The following TUT1 variants were observed in gnomAD, a reference collection of about 807,000 sequenced individuals.
TUT1 encodes terminal uridylyl transferase 1, U6 snRNA-specific, also known as speckle targeted PIP5K1A-regulated poly(A) polymerase.
TUT1 carries 26 observed loss-of-function variants against 48.8 expected under a neutral mutation model. The observed-to-expected ratio is 0.53, with a 90% confidence interval of 0.39 to 0.74. The LOEUF (loss-of-function observed/expected upper bound fraction) is 0.74, where lower values mean the gene tolerates loss of function less well. Among genes scored for constraint, TUT1 ranks in the 30% least tolerant of loss-of-function variants. TUT1 has a pLI of 0.00. For missense variants in TUT1, 1,065 were observed against 1,114.8 expected, an observed-to-expected ratio of 0.96 and a Z score of 0.64; for synonymous variants, 470 against 460.8, an observed-to-expected ratio of 1.02 and a Z score of -0.26.
At chr11:62,591,277 A>T (rs1407001838) in intron 1 of TUT1, 127 bp downstream of exon 1, 1 of 1,395,276 alleles carries the variant, frequency 7.2e-7, no homozygotes, top group Non-Finnish European at 9.3e-7. Context: ...GCAGAGAAAA[A>T]CGGAGGTGAG....
rs748721404 is a variant in TUT1, at chr11:62,575,911, A to AGGGAGCTGG, written c.1799_1807dup (p.Pro600_Ser602dup). ...TAAAGGGATCGGCGTAGCAGAGAGC[A>AGGGAGCTGG]GGGAGCTGGGGGAGCTGGGCTGCAG... is the stretch of plus-strand genomic sequence containing the variant. On this transcript the variant is annotated inframe_insertion, in exon 9 of 9. Coordinates refer to ENST00000476907, the MANE Select transcript of TUT1 (RefSeq NM_022830.3). 9 of 1,614,040 alleles carry AGGGAGCTGG rather than the reference A, an allele frequency of 5.6e-6. No individual in the cohort carries two copies. Among genetic ancestry groups the AGGGAGCTGG allele is most frequent in the African/African-American group, 5.3e-5 (4 of 74,932 alleles).
rs1565267259 is a variant in TUT1, at chr11:62,581,198, C to T, written c.598G>A (p.Val200Ile). The T allele has an allele frequency of 5.0e-6, 8 of 1,614,072 alleles. No individual in the cohort carries two copies. The highest frequency in any genetic ancestry group is 5.9e-6 in the Non-Finnish European group (7 of 1,179,976). ...VFTEFFPGCV[V>I]HPFGSSINSF... Reference sequence around the variant, plus strand: ...TTTATGGAAGAGCCAAAAGGGTGGACCACACAGCCTGGGTGCCGAGCAGAG... The same window carrying T: ...TTTATGGAAGAGCCAAAAGGGTGGATCACACAGCCTGGGTGCCGAGCAGAG... The change falls in exon 4 of 9, where the codon GTC (valine) becomes ATC (isoleucine). Residue 200 changes from valine to isoleucine, a missense_variant. Coordinates refer to ENST00000476907, the MANE Select transcript of TUT1 (RefSeq NM_022830.3).
chr11:62,580,694 C>A (rs12785591), intron 4 of TUT1, among the ~76,000 whole-genome samples: 1 of 149,592 alleles, frequency 6.7e-6, no homozygotes, highest in South Asian at 2.2e-4. Flanking sequence ...CCTCTGCCTC[C>A]CGGGTTCAAG....
At chr11:62,585,013 G>A (rs958273355) in intron 2 of TUT1, among the ~76,000 whole-genome samples, 12 of 151,234 alleles carry the variant, frequency 7.9e-5, no homozygotes, top group South Asian at 2.1e-4. Flanking sequence ...TAGTAGAGAC[G>A]GTTTCACCAT....
chr11:62,581,485 T>C lies in TUT1; in HGVS notation c.490A>G (p.Ile164Val). 6.2e-7 allele frequency: 1 copy of C among 1,614,154 alleles called. No homozygotes were observed. The highest frequency in any genetic ancestry group is 1.3e-5 in the African/African-American group (1 of 75,052). Residue 164 changes from isoleucine (I) to valine (V), a missense_variant, in exon 3 of 9, where the codon ATA (isoleucine) becomes GTA (valine). By Grantham distance (29) the Ile-to-Val change is conservative. Coordinates refer to ENST00000476907, the MANE Select transcript of TUT1 (RefSeq NM_022830.3). ...AACTCCCTCAGCCCCACAAGCTTTATCATTTGTGCCCCCACGTCTGCAGCC... is the reference window on the plus strand; with the variant it reads ...AACTCCCTCAGCCCCACAAGCTTTACCATTTGTGCCCCCACGTCTGCAGCC... ...AEAADVGAQM[I>V]KLVGLRELSE...
rs34320415 is a variant in TUT1 at position 62,575,658 on chromosome 11, G to C, written c.2061C>G (p.Asp687Glu). The change falls in exon 9 of 9, where the codon GAC (aspartate) becomes GAG (glutamate). Residue 687 changes from aspartate (D) to glutamate (E), a missense_variant. By Grantham distance (45) the Asp-to-Glu change is conservative. Coordinates refer to ENST00000476907, the MANE Select transcript of TUT1 (RefSeq NM_022830.3). ...QQGCAGDGGE[D>E]RVEEMVIEVG... ...CCTCTATAACCATCTCTTCTACCCT[G>C]TCTTCCCCACCGTCCCCTGCACATC... The C allele has an allele frequency of 1.9e-3, 3,082 of 1,614,076 alleles. 53 individuals carry two copies. The African/African-American group carries it at 0.037, about 19-fold the overall frequency.
At chr11:62,582,646 AT>A (rs1328036766) in intron 2 of TUT1, 1 of 449,222 alleles carries the variant, frequency 2.2e-6, no homozygotes, top group Non-Finnish European at 4.5e-6. Flanking sequence ...TATTCCAAAC[AT>A]TTTACTCTCA....
chr11:62,585,600 G>C (rs1051620990), intron 2 of TUT1, among the ~76,000 whole-genome samples: 1 of 152,236 alleles, frequency 6.6e-6, no homozygotes, highest in Admixed American at 6.5e-5. Context: ...GGGAGGCTGA[G>C]GCGGACAGAT....
At chr11:62,580,297 A>G (rs1941803930) in intron 4 of TUT1, among the ~76,000 whole-genome samples, 1 of 151,920 alleles carries the variant, frequency 6.6e-6, no homozygotes, top group Non-Finnish European at 1.5e-5. Flanking sequence ...CATCTCTACT[A>G]AAAATACAAA....
rs143821777 is a variant in TUT1 at position 62,589,142 on chromosome 11, T to C, written c.162A>G (p.Gly54=). ...AGCCACTGACAAACACACTTCGAAG[T>C]CCCTGGGCCTTTCTCGCAGCTCGTA... ...VELRAARKAQ[G]LRSVFVSGFP... is the part of the protein sequence containing the mutation. The change falls in exon 2 of 9, where the codon GGA becomes GGG. Residue 54 remains glycine, a synonymous_variant. Coordinates refer to ENST00000476907, the MANE Select transcript of TUT1 (RefSeq NM_022830.3). The C allele has an allele frequency of 1.0e-4, 163 of 1,614,152 alleles. No individual in the cohort carries two copies. In the African/African-American group the frequency reaches 2.1e-3, roughly 20 times the overall value.
Position 62,575,653 on chromosome 11 carries a change from A to C in TUT1, c.2066T>G (p.Val689Gly). ...TCCAACCTCTATAACCATCTCTTCT[A>C]CCCTGTCTTCCCCACCGTCCCCTGC... The part of the protein sequence containing the change: ...GCAGDGGEDR[V>G]EEMVIEVGEM... The change falls in exon 9 of 9, where the codon GTA (valine) becomes GGA (glycine). Residue 689 changes from valine to glycine, a missense_variant. Transcript: ENST00000476907. The C allele has an allele frequency of 1.2e-6, 2 of 1,613,566 alleles. No individual in the cohort carries two copies. The highest frequency in any genetic ancestry group is 1.7e-6 in the Non-Finnish European group (2 of 1,179,896).
intron 1 of TUT1, among the ~76,000 whole-genome samples, chr11:62,591,033 C>T (rs559466283): frequency 1.3e-5 from 2 of 152,220 alleles, no homozygotes; most frequent in South Asian, 2.1e-4. Flanking sequence ...CACAGTTCTC[C>T]GAACATATCT....
Position 62,575,375 on chromosome 11 carries a change from G to A in TUT1, c.2344C>T (p.Arg782Cys), listed in dbSNP as rs1465510753. 4.3e-6 allele frequency: 7 copies of A among 1,613,256 alleles called. No homozygotes were observed. Among genetic ancestry groups the A allele is most frequent in the Admixed American group, 1.7e-5 (1 of 60,034 alleles). Residue 782 changes from arginine to cysteine, a missense_variant, in exon 9 of 9, where the codon CGT becomes TGT. Arg to Cys is a radical substitution (Grantham distance 180). Coordinates refer to ENST00000476907, the MANE Select transcript of TUT1 (RefSeq NM_022830.3). Reference protein sequence around the residue: ...HRVWQGRRRARRRLQQQTKEG... With the variant: ...HRVWQGRRRACRRLQQQTKEG... ...TTGGTTTGCTGCTGCAAGCGTCTAC[G>A]GGCTCGCCGCCGCCCTTGCCACACT...
At position 62,588,386 on chromosome 11, in the gene TUT1, T is replaced by C. The variant is rs192273362; in HGVS notation, c.273+645A>G. Among the ~76,000 whole-genome samples, 480 of 152,296 alleles carry C rather than the reference T, an allele frequency of 3.2e-3. 5 individuals carry two copies. Among genetic ancestry groups the C allele is most frequent in the African/African-American group, 0.011 (463 of 41,570 alleles). ...CTGGCCAACATGGTGAAACCCTGTC[T>C]CTACTAAAAATACAAAAATTAGCTG... On this transcript the variant is annotated intron_variant, in intron 2 of 8. Coordinates refer to ENST00000476907, the MANE Select transcript of TUT1 (RefSeq NM_022830.3).
At chr11:62,585,541 G>C (rs1941897626) in intron 2 of TUT1, among the ~76,000 whole-genome samples, 1 of 152,226 alleles carries the variant, frequency 6.6e-6, no homozygotes, top group African/African-American at 2.4e-5. Flanking sequence ...AGATTCAGAA[G>C]ACTGTGTCAG....
At chr11:62,590,971 A>G (rs375659498) in intron 1 of TUT1, among the ~76,000 whole-genome samples, 1 of 151,764 alleles carries the variant, frequency 6.6e-6, no homozygotes, top group Non-Finnish European at 1.5e-5. Flanking sequence ...CCCTCCTTTG[A>G]GTAGGTCCTC....
Position 62,578,896 on chromosome 11 carries a change from G to A in TUT1, c.825C>T (p.Ala275=). Reference sequence around the variant, plus strand: ...AGGAGGAAGGGGTTTCAAAGTCCAGGGCTTCAGAATCCTGGGGAGAAGCAG... The same window carrying A: ...AGGAGGAAGGGGTTTCAAAGTCCAGAGCTTCAGAATCCTGGGGAGAAGCAG... ...QPPASPQDSE[A]LDFETPSSSL... is the part of the protein sequence containing the mutation. Residue 275 remains alanine, a synonymous_variant, in exon 5 of 9, where the codon GCC becomes GCT. Coordinates refer to ENST00000476907, the MANE Select transcript of TUT1 (RefSeq NM_022830.3). The A allele has an allele frequency of 8.7e-6, 14 of 1,601,828 alleles. No homozygotes were observed. The highest frequency in any genetic ancestry group is 1.2e-5 in the Non-Finnish European group (14 of 1,173,454).
chr11:62,575,484 T>C lies in TUT1; in HGVS notation c.2235A>G (p.Ala745=). Residue 745 remains alanine (A), a synonymous_variant, in exon 9 of 9, where the codon GCA becomes GCG. Transcript: ENST00000476907. The part of the protein sequence containing the change: ...LAERGPKGHE[A]AQEWSQGEAG... The stretch of plus-strand genomic sequence containing the variant: ...CCTCACCCTGAGACCATTCTTGGGC[T>C]GCCTCATGTCCCTTGGGCCCCCGCT... 10 of 1,612,572 alleles carry C rather than the reference T, an allele frequency of 6.2e-6. No homozygotes were observed. Among genetic ancestry groups the C allele is most frequent in the Non-Finnish European group, 8.5e-6 (10 of 1,180,016 alleles).
chr11:62,584,146 T>G (rs867331336), intron 2 of TUT1, among the ~76,000 whole-genome samples: 3 of 150,466 alleles, frequency 2.0e-5, no homozygotes, highest in South Asian at 2.1e-4. Flanking sequence ...TTTTTTTTTT[T>G]GAGACAGAGT....
Sources: gnomAD v4.1 joint callset for allele counts (sites outside exome capture counted in the v4.1 genomes callset) on GRCh38, gnomAD v4.1.1 for gene constraint, MANE v1.5 for transcripts, NCBI Gene and HGNC (gene_info 2026-07-23, HGNC 2026-07-21) for gene names.